Variants in SORCS2 observed in about 807,000 individuals in gnomAD.
The protein encoded by SORCS2 is sortilin related VPS10 domain containing receptor 2.
SORCS2 carries 100 observed loss-of-function variants against 141.6 expected under a neutral mutation model. The observed-to-expected ratio is 0.71, with a 90% CI of 0.60 to 0.83. The LOEUF (loss-of-function observed/expected upper bound fraction) is 0.83. Ranked by LOEUF, SORCS2 falls within the 40% of genes least tolerant of loss-of-function variation. The pLI is 0.00. For missense variants in SORCS2, 1,646 were observed against 1,560.2 expected, an observed-to-expected ratio of 1.05 and a Z score of -0.93; for synonymous variants, 789 against 676.9, an observed-to-expected ratio of 1.17 and a Z score of -2.57.
chr4:7,697,195 C>G lies in SORCS2; in HGVS notation c.1592-3C>G. 1 of 1,576,698 alleles carries G rather than the reference C, an allele frequency of 6.3e-7. No individual in the cohort carries two copies. The highest frequency in any genetic ancestry group is 8.6e-7 in the Non-Finnish European group (1 of 1,160,986). Reference sequence around the variant, plus strand: ...TAGTACTGCCCCTTTTCTTTTGGACCAGGTAACCTGGGCTCACAGCTGGTG... The same window carrying G: ...TAGTACTGCCCCTTTTCTTTTGGACGAGGTAACCTGGGCTCACAGCTGGTG... On this transcript the variant is annotated splice_region_variant and splice_polypyrimidine_tract_variant and intron_variant, in intron 11 of 26. Transcript: ENST00000507866.
chr4:7,446,142 G>A (rs1727977532), intron 2 of SORCS2, among the ~76,000 whole-genome samples: 2 of 152,132 alleles, frequency 1.3e-5, no homozygotes, highest in African/African-American at 4.8e-5. Flanking sequence ...GTCAGACTGG[G>A]GGTTGGAGGG....
chr4:7,358,021 C>A (rs374470935), intron 1 of SORCS2, among the ~76,000 whole-genome samples: 2 of 152,246 alleles, frequency 1.3e-5, no homozygotes, highest in South Asian at 2.1e-4. Context: ...GTGTACCCCC[C>A]ATTCCCAAGG....
In SORCS2 at chr4:7,377,361, G is replaced by C. The variant is rs1454678233; in HGVS notation, c.481-18927G>C. ...TTCCAGAACTGGGGCTGTGACGGGGGGGACAGATCGGACCTTCTGCCAAGG... is the reference window on the plus strand; with the variant it reads ...TTCCAGAACTGGGGCTGTGACGGGGCGGACAGATCGGACCTTCTGCCAAGG... On this transcript the variant is annotated intron_variant, in intron 1 of 26. Transcript: ENST00000507866. 2.0e-5 allele frequency among the ~76,000 whole-genome samples: 3 copies of C among 152,126 alleles called. No homozygotes were observed. The East Asian group carries it at 5.8e-4, about 30-fold the overall frequency.
At chr4:7,705,238 C>T (rs1331352070) in intron 14 of SORCS2, among the ~76,000 whole-genome samples, 1 of 152,062 alleles carries the variant, frequency 6.6e-6, no homozygotes, top group African/African-American at 2.4e-5. Context: ...CACCCAGGGC[C>T]CCCAGGAGCT....
chr4:7,515,492 C>T (rs769323884), intron 2 of SORCS2, among the ~76,000 whole-genome samples: 5 of 152,114 alleles, frequency 3.3e-5, no homozygotes, highest in African/African-American at 4.8e-5. Flanking sequence ...GCCCTCCCAG[C>T]GCCTGGCACG....
At chr4:7,597,305 G>A (rs573853863) in intron 3 of SORCS2, among the ~76,000 whole-genome samples, 1 of 150,832 alleles carries the variant, frequency 6.6e-6, no homozygotes, top group African/African-American at 2.4e-5. Flanking sequence ...CGGAGATGGG[G>A]CTCTTGCAAT....
chr4:7,517,528 A>G (rs903258302), intron 2 of SORCS2, among the ~76,000 whole-genome samples: 5 of 152,202 alleles, frequency 3.3e-5, no homozygotes, highest in African/African-American at 1.2e-4. Flanking sequence ...TACAGTCAAC[A>G]GTGCCTCGAA....
At chr4:7,309,685 T>C (rs1718059428) in intron 1 of SORCS2, among the ~76,000 whole-genome samples, 1 of 152,184 alleles carries the variant, frequency 6.6e-6, no homozygotes, top group Non-Finnish European at 1.5e-5. Context: ...GTGGTTACCA[T>C]ACACCTTCTT....
intron 9 of SORCS2, among the ~76,000 whole-genome samples, chr4:7,677,820 A>G (rs184585294): frequency 6.1e-4 from 93 of 152,306 alleles, no homozygotes; most frequent in African/African-American, 1.8e-3. Flanking sequence ...AGCCCCCTGC[A>G]GGCGGCCCTC....
At chr4:7,354,442 G>A (rs945415581) in intron 1 of SORCS2, among the ~76,000 whole-genome samples, 5 of 151,958 alleles carry the variant, frequency 3.3e-5, no homozygotes, top group African/African-American at 1.2e-4. Context: ...AGCTCCCAGT[G>A]AAAGAGAGAC....
chr4:7,650,355 C>A (rs1202992462), intron 4 of SORCS2, among the ~76,000 whole-genome samples: 2 of 152,290 alleles, frequency 1.3e-5, no homozygotes, highest in Middle Eastern at 3.4e-3. Flanking sequence ...AGGCGGTGAT[C>A]GCGACAGAAC....
At chr4:7,531,465 G>C in intron 2 of SORCS2, 65 bp from the exon 3 acceptor site, 1 of 1,488,576 alleles carries the variant, frequency 6.7e-7, no homozygotes, top group Non-Finnish European at 9.3e-7. Flanking sequence ...GCTGGACACC[G>C]TGTGGGCTGA....
intron 2 of SORCS2, among the ~76,000 whole-genome samples, chr4:7,473,898 A>C (rs941216071): frequency 6.6e-6 from 1 of 152,194 alleles, no homozygotes; most frequent in Non-Finnish European, 1.5e-5. Flanking sequence ...CTTCCAGTGC[A>C]TTCTGCACAC....
chr4:7,702,338 T>A (rs750432349), intron 12 of SORCS2, among the ~76,000 whole-genome samples: 2 of 152,206 alleles, frequency 1.3e-5, no homozygotes, highest in Non-Finnish European at 2.9e-5. Flanking sequence ...TGTTGAGACA[T>A]GCGCTGGCCG....
At chr4:7,669,936 C>T (rs1722701677) in intron 8 of SORCS2, among the ~76,000 whole-genome samples, 1 of 152,234 alleles carries the variant, frequency 6.6e-6, no homozygotes. Context: ...CCTTGTTGAG[C>T]TAAGCCAGAG....
chr4:7,318,962 G>A (rs1021958023), intron 1 of SORCS2, among the ~76,000 whole-genome samples: 7 of 152,164 alleles, frequency 4.6e-5, no homozygotes, highest in Admixed American at 2.6e-4. Context: ...TTTCCAGGAC[G>A]CCAGGTAAGT....
intron 1 of SORCS2, among the ~76,000 whole-genome samples, chr4:7,388,686 C>A (rs147733588): frequency 1.2e-4 from 19 of 152,112 alleles, no homozygotes; most frequent in Non-Finnish European, 2.4e-4. Flanking sequence ...ACGAAACTCA[C>A]CTCTTTAGCC....
chr4:7,459,823 C>T (rs1577600581), intron 2 of SORCS2, among the ~76,000 whole-genome samples: 1 of 152,336 alleles, frequency 6.6e-6, no homozygotes, highest in South Asian at 2.1e-4. Flanking sequence ...AGCCTGGTCA[C>T]ATTGAGGGCA....
chr4:7,702,881 G>C (rs543315150), intron 12 of SORCS2, among the ~76,000 whole-genome samples: 1 of 152,346 alleles, frequency 6.6e-6, no homozygotes, highest in Non-Finnish European at 1.5e-5. Flanking sequence ...AATGGCACTT[G>C]AGCTGAGTCT....
Sources: allele counts gnomAD v4.1 joint callset (sites outside exome capture counted in the v4.1 genomes callset), GRCh38; gene constraint gnomAD v4.1.1; transcripts MANE v1.5; gene names NCBI Gene and HGNC (gene_info 2026-07-23, HGNC 2026-07-21).